The following WASF3 variants were observed in gnomAD, a reference collection of about 807,000 sequenced individuals.
WASF3 encodes the protein WASP family member 3, also known as actin-binding protein WASF3.
In WASF3, 11 loss-of-function variants were observed where a neutral mutation model predicts 46.6. That is an observed-to-expected ratio of 0.24 (90% CI 0.15 to 0.39). The LOEUF is 0.39. Among genes scored for constraint, WASF3 ranks in the 10% least tolerant of loss-of-function variants. The probability of loss-of-function intolerance (pLI) is 1.00; values close to 1 mark genes in which losing one functional copy is unlikely to be tolerated. For synonymous variants in WASF3, 242 were observed against 259.7 expected (o/e 0.93, Z 0.65); for missense variants, 576 against 669.8 (o/e 0.86, Z 1.55).
chr13:26,589,006 C>T (rs1480404118), intron 1 of WASF3, among the ~76,000 whole-genome samples: 1 of 151,932 alleles, frequency 6.6e-6, no homozygotes, highest in Non-Finnish European at 1.5e-5. Context: ...GTTGCCGAGG[C>T]TAGTCTCAAA....
At chr13:26,656,512 A>G (rs1388135732) in intron 3 of WASF3, among the ~76,000 whole-genome samples, 1 of 152,122 alleles carries the variant, frequency 6.6e-6, no homozygotes, top group Non-Finnish European at 1.5e-5. Flanking sequence ...GACTGACCCC[A>G]TATTACTAAC....
At chr13:26,631,457 G>C (rs1881649771) in intron 2 of WASF3, among the ~76,000 whole-genome samples, 1 of 152,098 alleles carries the variant, frequency 6.6e-6, no homozygotes, top group South Asian at 2.1e-4. Context: ...GTTTTTGTCA[G>C]GTTTGTCAAA....
chr13:26,680,705 A>G (rs1042060008), intron 7 of WASF3, among the ~76,000 whole-genome samples: 2 of 152,114 alleles, frequency 1.3e-5, no homozygotes, highest in Non-Finnish European at 2.9e-5. Flanking sequence ...TCTGTCTTAT[A>G]TCCTGTTTCT....
chr13:26,565,942 A>C (rs760099520), intron 1 of WASF3, among the ~76,000 whole-genome samples: 15 of 152,208 alleles, frequency 9.9e-5, no homozygotes, highest in Admixed American at 2.0e-4. Flanking sequence ...AAAAAAAATT[A>C]TGAAAACTAC....
chr13:26,675,516 AC>A (rs1322823653), intron 6 of WASF3, among the ~76,000 whole-genome samples: 7 of 143,408 alleles, frequency 4.9e-5, no homozygotes, highest in Non-Finnish European at 7.7e-5. Flanking sequence ...ACACACACAC[AC>A]ACACACGTAT....
intron 1 of WASF3, among the ~76,000 whole-genome samples, chr13:26,598,376 G>A (rs1880540273): frequency 6.6e-6 from 1 of 152,118 alleles, no homozygotes; most frequent in African/African-American, 2.4e-5. Flanking sequence ...TTTGTCAGAT[G>A]AGTAGATTGC....
At chr13:26,544,688 G>T in the WASF3 span, among the ~76,000 whole-genome samples, 3 of 152,228 alleles carry the variant, frequency 2.0e-5, no homozygotes, top group Non-Finnish European at 4.4e-5. Flanking sequence ...CCCTGGTGCT[G>T]TATTGGTCAG....
intron 2 of WASF3, among the ~76,000 whole-genome samples, chr13:26,628,016 T>C (rs1297368698): frequency 6.6e-6 from 1 of 152,108 alleles, no homozygotes; most frequent in Non-Finnish European, 1.5e-5. Context: ...GGGAAGATGC[T>C]TAGAGCTAGA....
intron 5 of WASF3, among the ~76,000 whole-genome samples, chr13:26,669,206 CTTTTTTTTTTTT>C (rs71080286): frequency 6.1e-5 from 4 of 65,332 alleles, no homozygotes; most frequent in African/African-American, 2.3e-4. Context: ...ATATCTTTGA[CTTTTTTTTTTTT>C]TTTTTTTTTT....
At chr13:26,616,943 T>C (rs958953145) in intron 2 of WASF3, among the ~76,000 whole-genome samples, 12 of 152,216 alleles carry the variant, frequency 7.9e-5, no homozygotes, top group African/African-American at 2.7e-4. Flanking sequence ...ATGAAAATGC[T>C]GGCGACAATT....
intron 4 of WASF3, among the ~76,000 whole-genome samples, chr13:26,666,105 A>G (rs1430006743): frequency 2.0e-5 from 3 of 152,204 alleles, no homozygotes; most frequent in East Asian, 1.9e-4. Context: ...TCAAAGGTCA[A>G]AATTTGATTA....
intron 2 of WASF3, among the ~76,000 whole-genome samples, chr13:26,632,080 G>A (rs1325286206): frequency 9.8e-5 from 15 of 152,296 alleles, no homozygotes; most frequent in African/African-American, 3.6e-4. Context: ...GGGCTGAGAC[G>A]ATGGGGTTTT....
At chr13:26,546,079 A>G in the WASF3 span, among the ~76,000 whole-genome samples, 1 of 152,056 alleles carries the variant, frequency 6.6e-6, no homozygotes, top group Non-Finnish European at 1.5e-5. Flanking sequence ...AAATTTATTC[A>G]CTTTGTGACA....
At chr13:26,604,177 C>A (rs1400560886) in intron 1 of WASF3, among the ~76,000 whole-genome samples, 1 of 152,098 alleles carries the variant, frequency 6.6e-6, no homozygotes, top group Non-Finnish European at 1.5e-5. Flanking sequence ...AGACTGTTTC[C>A]TAATTTGCAA....
Position 26,686,330 on chromosome 13 carries a change from G to A in WASF3, c.*485G>A, listed in dbSNP as rs1327640901. On this transcript the variant is annotated 3_prime_UTR_variant, in exon 10 of 10. Coordinates refer to ENST00000335327, the MANE Select transcript of WASF3 (RefSeq NM_006646.6). Reference sequence around the variant, plus strand: ...TGTGTTTCTGAATAAGTTGGTTTTAGAGGGAAAGGTTCAACAAACAGGGAG... The same window carrying A: ...TGTGTTTCTGAATAAGTTGGTTTTAAAGGGAAAGGTTCAACAAACAGGGAG... 6.5e-6 allele frequency: 1 copy of A among 153,388 alleles called. No homozygotes were observed. Among genetic ancestry groups the A allele is most frequent in the Non-Finnish European group, 1.5e-5 (1 of 68,768 alleles). The allele number at this position is 153,388 out of a possible 1,614,324, so 9.5% of individuals were successfully genotyped here.
chr13:26,583,520 C>T (rs370703687), intron 1 of WASF3, among the ~76,000 whole-genome samples: 1 of 152,058 alleles, frequency 6.6e-6, no homozygotes, highest in African/African-American at 2.4e-5. Flanking sequence ...TCCTTAAGCC[C>T]AAGTAGGAGT....
At chr13:26,596,803 C>T (rs2137193808) in intron 1 of WASF3, among the ~76,000 whole-genome samples, 1 of 152,264 alleles carries the variant, frequency 6.6e-6, no homozygotes, top group South Asian at 2.1e-4. Flanking sequence ...TGGGCAGTTT[C>T]CTTGTTTGTT....
rs185940795 is a variant in WASF3 at position 26,656,758 on chromosome 13, T to A, written c.134-8270T>A. 4.3e-4 allele frequency among the ~76,000 whole-genome samples: 65 copies of A among 152,270 alleles called. 1 individual carries two copies. Reference sequence around the variant, plus strand: ...TTCTCCGATCTGTAACTCACTTTCATGGTATTTAAAATTATTTATTTTAAA... The same window carrying A: ...TTCTCCGATCTGTAACTCACTTTCAAGGTATTTAAAATTATTTATTTTAAA... On this transcript the variant is annotated intron_variant, in intron 3 of 9. Coordinates refer to ENST00000335327, the MANE Select transcript of WASF3 (RefSeq NM_006646.6).
At chr13:26,617,668 A>G (rs1490356215) in intron 2 of WASF3, among the ~76,000 whole-genome samples, 1 of 152,222 alleles carries the variant, frequency 6.6e-6, no homozygotes, top group African/African-American at 2.4e-5. Context: ...ATCTCATTTT[A>G]TAAGAATTAA....
Sources: gnomAD v4.1 joint callset for allele counts (sites outside exome capture counted in the v4.1 genomes callset) on GRCh38, gnomAD v4.1.1 for gene constraint, MANE v1.5 for transcripts, NCBI Gene and HGNC (gene_info 2026-07-23, HGNC 2026-07-21) for gene names.